Variants in INPP4B observed in about 807,000 individuals in gnomAD.
The protein encoded by INPP4B is inositol polyphosphate 4-phosphatase type II.
INPP4B carries 55 observed loss-of-function variants against 122.5 expected under a neutral mutation model. The observed-to-expected ratio is 0.45, with a 90% CI of 0.36 to 0.56. INPP4B has a LOEUF of 0.56. Among genes scored for constraint, INPP4B ranks in the 20% least tolerant of loss-of-function variants. The pLI, the probability that INPP4B is intolerant of heterozygous loss-of-function variation, is 0.00. For missense variants in INPP4B, 1,000 were observed against 1,097.7 expected (o/e 0.91, Z 1.26); for synonymous variants, 403 against 388.7 (o/e 1.04, Z -0.43).
chr4:142,642,744 G>A (rs1750804681), intron 2 of INPP4B, among the ~76,000 whole-genome samples: 1 of 151,998 alleles, frequency 6.6e-6, no homozygotes, highest in African/African-American at 2.4e-5. Context: ...TTGACTTGGT[G>A]ATGCGGGCTC....
chr4:142,696,935 C>T (rs1431543158), intron 2 of INPP4B, among the ~76,000 whole-genome samples: 1 of 152,114 alleles, frequency 6.6e-6, no homozygotes, highest in Non-Finnish European at 1.5e-5. Context: ...AGTGTGCAGC[C>T]CCGCACACTC....
At chr4:142,573,252 G>A (rs1158722979) in intron 2 of INPP4B, among the ~76,000 whole-genome samples, 1 of 151,966 alleles carries the variant, frequency 6.6e-6, no homozygotes, top group Non-Finnish European at 1.5e-5. Flanking sequence ...ACTTCCCACC[G>A]GGTCACTTAC....
intron 2 of INPP4B, among the ~76,000 whole-genome samples, chr4:142,706,982 A>G (rs746033882): frequency 5.3e-5 from 8 of 152,248 alleles, no homozygotes; most frequent in Admixed American, 1.3e-4. Context: ...TCTGGCTCCT[A>G]TGAATTATCA....
chr4:142,753,114 T>C (rs1017205078), intron 1 of INPP4B, among the ~76,000 whole-genome samples: 4 of 152,112 alleles, frequency 2.6e-5, no homozygotes, highest in Non-Finnish European at 4.4e-5. Flanking sequence ...AATAAGCATT[T>C]TACTGAGATG....
At chr4:142,175,315 A>G (rs1164718819) in intron 15 of INPP4B, among the ~76,000 whole-genome samples, 5 of 152,112 alleles carry the variant, frequency 3.3e-5, no homozygotes, top group Non-Finnish European at 7.4e-5. Flanking sequence ...TTCTTCTCAC[A>G]CTAGTGATTT....
intron 2 of INPP4B, among the ~76,000 whole-genome samples, chr4:142,490,123 G>A (rs1328551654): frequency 6.6e-6 from 1 of 151,576 alleles, no homozygotes; most frequent in African/African-American, 2.4e-5. Flanking sequence ...TGCTACTCAG[G>A]CTGGCATGCA....
intron 1 of INPP4B, among the ~76,000 whole-genome samples, chr4:142,753,463 C>T (rs1770029729): frequency 6.6e-6 from 1 of 152,062 alleles, no homozygotes; most frequent in African/African-American, 2.4e-5. Context: ...GTCATTTCAA[C>T]ATCAGCAATC....
In INPP4B at chr4:142,188,356, G is replaced by A. The variant is rs564264334; in HGVS notation, c.1181+4731C>T. ...CAAAAAATTAGCCAGGCATGGTGGC[G>A]GGCACCTGTAGTCCCAGCTACTCGG... On this transcript the variant is annotated intron_variant, in intron 15 of 25. Coordinates refer to ENST00000262992, the MANE Select transcript of INPP4B (RefSeq NM_001101669.3). Among the ~76,000 whole-genome samples the A allele has an allele frequency of 1.3e-3, 193 of 150,920 alleles. 2 individuals carry two copies. Among genetic ancestry groups the A allele is most frequent in the African/African-American group, 4.5e-3 (185 of 41,214 alleles).
At chr4:142,682,871 C>T (rs146382707) in intron 2 of INPP4B, among the ~76,000 whole-genome samples, 17 of 151,934 alleles carry the variant, frequency 1.1e-4, no homozygotes, top group African/African-American at 2.4e-4. Flanking sequence ...GGTATAAAAA[C>T]GGTACTTTAG....
At chr4:142,837,644 C>T (rs753864576) in intron 1 of INPP4B, among the ~76,000 whole-genome samples, 4 of 152,090 alleles carry the variant, frequency 2.6e-5, no homozygotes, top group Non-Finnish European at 5.9e-5. Context: ...ATCACATTCA[C>T]CTTTCCAATT....
At chr4:142,328,030 G>A (rs1448218150) in intron 7 of INPP4B, among the ~76,000 whole-genome samples, 1 of 152,186 alleles carries the variant, frequency 6.6e-6, no homozygotes, top group African/African-American at 2.4e-5. Context: ...TCCTGAAACA[G>A]AGGGAATTGT....
intron 2 of INPP4B, among the ~76,000 whole-genome samples, chr4:142,576,057 T>TC (rs1733763433): frequency 6.6e-6 from 1 of 152,042 alleles, no homozygotes; most frequent in Admixed American, 6.6e-5. Context: ...GTTATTGATT[T>TC]CCCAATAGCC....
chr4:142,722,064 GTGTC>G (rs1306977156), intron 2 of INPP4B, among the ~76,000 whole-genome samples: 1 of 152,036 alleles, frequency 6.6e-6, no homozygotes, highest in East Asian at 1.9e-4. Context: ...AAAAAAATCC[GTGTC>G]TGTGTGTGCA....
chr4:142,313,939 A>G (rs1766491874), intron 8 of INPP4B, among the ~76,000 whole-genome samples: 1 of 152,144 alleles, frequency 6.6e-6, no homozygotes, highest in Non-Finnish European at 1.5e-5. Context: ...TGAGAAAATT[A>G]ATGGTACCTA....
chr4:142,632,064 C>T (rs1041980864), intron 2 of INPP4B, among the ~76,000 whole-genome samples: 7 of 152,078 alleles, frequency 4.6e-5, no homozygotes, highest in East Asian at 1.9e-4. Context: ...GACAAGAATG[C>T]TATGTGCGTC....
In INPP4B at chr4:142,334,582, G is replaced by T. The variant is rs60312428; in HGVS notation, c.373-19820C>A. On this transcript the variant is annotated intron_variant, in intron 7 of 25. Coordinates refer to ENST00000262992, the MANE Select transcript of INPP4B (RefSeq NM_001101669.3). Reference sequence around the variant, plus strand: ...TATATTCCCAGTAAGAGTACACAGGGTTCCCTATTCTCCACACCCTTGCCA... The same window carrying T: ...TATATTCCCAGTAAGAGTACACAGGTTTCCCTATTCTCCACACCCTTGCCA... Among the ~76,000 whole-genome samples the T allele has an allele frequency of 2.0e-3, 300 of 152,258 alleles. 4 individuals carry two copies. In the East Asian group the frequency reaches 0.045, roughly 23 times the overall value.
intron 18 of INPP4B, among the ~76,000 whole-genome samples, chr4:142,125,569 G>A (rs965550213): frequency 1.3e-5 from 2 of 151,822 alleles, no homozygotes; most frequent in South Asian, 2.1e-4. Flanking sequence ...CTCCTCTCCT[G>A]GAACACTCTT....
chr4:142,788,893 G>C (rs968287877), intron 1 of INPP4B, among the ~76,000 whole-genome samples: 4 of 152,062 alleles, frequency 2.6e-5, no homozygotes, highest in Non-Finnish European at 5.9e-5. Flanking sequence ...CCATGATCAA[G>C]TGGGTTTTAT....
chr4:142,099,970 T>G (rs1164074820), intron 23 of INPP4B, among the ~76,000 whole-genome samples: 1 of 152,118 alleles, frequency 6.6e-6, no homozygotes, highest in Non-Finnish European at 1.5e-5. Flanking sequence ...GGTCTTACTG[T>G]GCAGGCAGAA....
Sources: allele counts gnomAD v4.1 joint callset (sites outside exome capture counted in the v4.1 genomes callset), GRCh38; gene constraint gnomAD v4.1.1; transcripts MANE v1.5; gene names NCBI Gene and HGNC (gene_info 2026-07-23, HGNC 2026-07-21).